NCOA3: variants seen among roughly 807,000 people sequenced by gnomAD.
The protein encoded by NCOA3 is nuclear receptor coactivator 3.
In NCOA3, 51 loss-of-function variants were observed where a neutral mutation model predicts 158.8. That is an observed-to-expected ratio of 0.32 (90% confidence interval 0.26 to 0.41). The LOEUF is 0.41. Among genes scored for constraint, NCOA3 ranks in the 10% least tolerant of loss-of-function variants. The pLI, the probability that NCOA3 is intolerant of heterozygous loss-of-function variation, is 1.00. For missense variants in NCOA3, 1,510 were observed against 1,746.6 expected, an observed-to-expected ratio of 0.86 and a Z score of 2.41; for synonymous variants, 537 against 592.4, an observed-to-expected ratio of 0.91 and a Z score of 1.36.
At chr20:47,518,644 C>T (rs1323815187) in intron 1 of NCOA3, among the ~76,000 whole-genome samples, 5 of 151,618 alleles carry the variant, frequency 3.3e-5, no homozygotes, top group Admixed American at 1.3e-4. Flanking sequence ...AGGCTCGTCT[C>T]GAACTCCTGA....
At chr20:47,567,262 G>A (rs2085211835) in intron 1 of NCOA3, among the ~76,000 whole-genome samples, 1 of 151,976 alleles carries the variant, frequency 6.6e-6, no homozygotes, top group Non-Finnish European at 1.5e-5. Context: ...TGGTCAGGAT[G>A]GTCTTGATCT....
intron 1 of NCOA3, among the ~76,000 whole-genome samples, chr20:47,525,437 T>C (rs1192876877): frequency 2.7e-5 from 4 of 150,880 alleles, no homozygotes; most frequent in Admixed American, 2.6e-4. Context: ...CCGTTCTCAA[T>C]GAGCTGTTGG....
chr20:47,565,024 C>G (rs1442919395), intron 1 of NCOA3, among the ~76,000 whole-genome samples: 1 of 152,094 alleles, frequency 6.6e-6, no homozygotes, highest in Non-Finnish European at 1.5e-5. Flanking sequence ...ACTTGTTGCC[C>G]AGGCTGAAGT....
intron 1 of NCOA3, among the ~76,000 whole-genome samples, chr20:47,561,544 C>CT (rs1387773390): frequency 1.3e-5 from 2 of 151,542 alleles, no homozygotes; most frequent in African/African-American, 2.4e-5. Flanking sequence ...TTCTCCAACT[C>CT]TAAGCCTCAA....
Position 47,617,482 on chromosome 20 carries a change from A to G in NCOA3, c.-19-4747A>G, listed in dbSNP as rs1370084794. ...TTCCCCTCTCTCATCTTCATTCTTG[A>G]CTGTTGACTGAAAGTGATCTAGATC... On this transcript the variant is annotated intron_variant, in intron 2 of 22. Coordinates refer to ENST00000371998, the MANE Select transcript of NCOA3 (RefSeq NM_181659.3). 3.3e-5 allele frequency among the ~76,000 whole-genome samples: 5 copies of G among 152,050 alleles called. No homozygotes were observed. The East Asian group carries it at 9.6e-4, about 29-fold the overall frequency.
chr20:47,623,885 C>T, intron 3 of NCOA3, 26 bp from the exon 4 acceptor site: 3 of 1,595,914 alleles, frequency 1.9e-6, no homozygotes, highest in East Asian at 2.2e-5. Context: ...GTCTCCTTTC[C>T]CCCCTTTCTA....
intron 1 of NCOA3, among the ~76,000 whole-genome samples, chr20:47,542,812 A>C (rs2084766976): frequency 6.6e-6 from 1 of 152,104 alleles, no homozygotes. Flanking sequence ...CAATACAAAA[A>C]TTATCCGGGC....
intron 1 of NCOA3, among the ~76,000 whole-genome samples, chr20:47,512,587 A>AAAAAAC (rs1569311524): frequency 6.9e-6 from 1 of 144,588 alleles, no homozygotes. Context: ...AAAAAAAAAA[A>AAAAAAC]AACACAAAAG....
At chr20:47,618,689 T>A (rs189169731) in intron 2 of NCOA3, among the ~76,000 whole-genome samples, 1 of 152,296 alleles carries the variant, frequency 6.6e-6, no homozygotes, top group Non-Finnish European at 1.5e-5. Context: ...TAGGTTGGAC[T>A]CTGAAGGAGT....
intron 1 of NCOA3, among the ~76,000 whole-genome samples, chr20:47,564,720 GC>G (rs2085164697): frequency 6.6e-6 from 1 of 151,958 alleles, no homozygotes; most frequent in South Asian, 2.1e-4. Context: ...TTTAATTTTT[GC>G]CACAATACCA....
intron 1 of NCOA3, among the ~76,000 whole-genome samples, chr20:47,552,493 TG>T: frequency 1.3e-5 from 2 of 152,338 alleles, no homozygotes; most frequent in Middle Eastern, 6.8e-3. Flanking sequence ...AGTTGCCAGT[TG>T]CTGAAGCCCT....
chr20:47,509,563 T>C (rs2084082304), intron 1 of NCOA3, among the ~76,000 whole-genome samples: 1 of 152,228 alleles, frequency 6.6e-6, no homozygotes, highest in African/African-American at 2.4e-5. Flanking sequence ...ATTATTTAAG[T>C]CATCTTGTGG....
intron 1 of NCOA3, among the ~76,000 whole-genome samples, chr20:47,512,298 C>A (rs1321613709): frequency 2.0e-5 from 3 of 151,892 alleles, no homozygotes; most frequent in African/African-American, 7.3e-5. Flanking sequence ...AGACTGGACC[C>A]CGTAGCTCAC....
At chr20:47,577,537 A>G (rs937298881) in intron 1 of NCOA3, among the ~76,000 whole-genome samples, 13 of 152,188 alleles carry the variant, frequency 8.5e-5, no homozygotes, top group Admixed American at 1.3e-4. Flanking sequence ...GGTGTCTAGC[A>G]CAATGTGGCA....
chr20:47,648,203 C>G (rs931714580), intron 18 of NCOA3, among the ~76,000 whole-genome samples: 2 of 151,926 alleles, frequency 1.3e-5, no homozygotes, highest in African/African-American at 4.8e-5. Flanking sequence ...CCGTGTGCGG[C>G]CAAATGCCTG....
At chr20:47,573,890 G>A (rs1480485074) in intron 1 of NCOA3, among the ~76,000 whole-genome samples, 1 of 152,136 alleles carries the variant, frequency 6.6e-6, no homozygotes, top group African/African-American at 2.4e-5. Flanking sequence ...AATGATTTAA[G>A]AAGTCCTTTG....
chr20:47,536,243 A>G (rs1004072543), intron 1 of NCOA3, among the ~76,000 whole-genome samples: 3 of 152,124 alleles, frequency 2.0e-5, no homozygotes, highest in Non-Finnish European at 4.4e-5. Context: ...CTTCTCCCAT[A>G]TCAAGACTAC....
intron 4 of NCOA3, among the ~76,000 whole-genome samples, 181 bp downstream of exon 4, chr20:47,624,264 A>G (rs1156357538): frequency 6.6e-6 from 1 of 152,206 alleles, no homozygotes; most frequent in Non-Finnish European, 1.5e-5. Flanking sequence ...TGTAACATAT[A>G]ATGAAATAAT....
rs149868561 is a variant in NCOA3 at position 47,635,793 on chromosome 20, T to A, written c.1504+80T>A. 150 of 1,486,350 alleles carry A rather than the reference T, an allele frequency of 1.0e-4. No individual in the cohort carries two copies. In the East Asian group the frequency reaches 3.4e-3, roughly 34 times the overall value. 92.1% of individuals were successfully genotyped at this position (1,486,350 alleles called of 1,614,324 possible). A position where few individuals can be genotyped will look rare whatever the true frequency, so the allele number is the denominator to read the frequency against. On this transcript the variant is annotated intron_variant, in intron 11 of 22. Coordinates refer to ENST00000371998, the MANE Select transcript of NCOA3 (RefSeq NM_181659.3). The stretch of plus-strand genomic sequence containing the variant: ...CCATACTACTATAATTCTTGTAAAG[T>A]TAATCTATTTTATAATAGAAACTTT...
Sources: gnomAD v4.1 joint callset for allele counts (sites outside exome capture counted in the v4.1 genomes callset) on GRCh38, gnomAD v4.1.1 for gene constraint, MANE v1.5 for transcripts, NCBI Gene and HGNC (gene_info 2026-07-23, HGNC 2026-07-21) for gene names.